The following LIPA variants were observed in gnomAD, a reference collection of about 807,000 sequenced individuals.
LIPA encodes lipase A, lysosomal acid type.
A neutral mutation model predicts 40.6 loss-of-function variants in LIPA; 26 were observed. That is an observed-to-expected ratio of 0.64 (90% CI 0.47 to 0.89). The LOEUF is 0.89. Among genes scored for constraint, LIPA ranks in the 40% least tolerant of loss-of-function variants. The probability of loss-of-function intolerance (pLI) is 0.00; values close to 1 mark genes in which losing one functional copy is unlikely to be tolerated. For synonymous variants in LIPA, 188 were observed against 168.4 expected (o/e 1.12, Z -0.90); for missense variants, 455 against 479.6 (o/e 0.95, Z 0.48).
chr10:89,263,902 C>A (rs114872983), intron 1 of LIPA, among the ~76,000 whole-genome samples: 249 of 152,362 alleles, frequency 1.6e-3, no homozygotes, highest in African/African-American at 5.7e-3. Flanking sequence ...CAGCTGCAGG[C>A]ACCAGTACAG....
chr10:89,299,129 T>C (rs931783448), intron 1 of LIPA, among the ~76,000 whole-genome samples: 2 of 151,072 alleles, frequency 1.3e-5, no homozygotes, highest in African/African-American at 4.9e-5. Context: ...AATGAGAAAT[T>C]TGCCAAAGAA....
chr10:89,370,923 C>T (rs1470833309), intron 2 of LIPA, among the ~76,000 whole-genome samples: 3 of 152,186 alleles, frequency 2.0e-5, no homozygotes, highest in Non-Finnish European at 4.4e-5. Context: ...GAGGCTGAGA[C>T]AGAAGAATTG....
intron 1 of LIPA, among the ~76,000 whole-genome samples, chr10:89,326,515 T>C (rs1038912565): frequency 3.3e-5 from 5 of 152,186 alleles, no homozygotes; most frequent in Admixed American, 2.0e-4. Flanking sequence ...TAAGATCTAG[T>C]GTTTGTTAGA....
At chr10:89,283,094 C>T (rs1215639986) in intron 1 of LIPA, among the ~76,000 whole-genome samples, 1 of 152,194 alleles carries the variant, frequency 6.6e-6, no homozygotes, top group African/African-American at 2.4e-5. Flanking sequence ...TAAGTTCACC[C>T]TGACAGTTTT....
intron 2 of LIPA, among the ~76,000 whole-genome samples, chr10:89,376,905 G>T (rs1844126047): frequency 6.6e-6 from 1 of 152,294 alleles, no homozygotes; most frequent in South Asian, 2.1e-4. Flanking sequence ...AGAAGAAATA[G>T]CACAGCGAGG....
At chr10:89,246,294 G>C (rs1366516163) in intron 2 of LIPA, among the ~76,000 whole-genome samples, 1 of 152,048 alleles carries the variant, frequency 6.6e-6, no homozygotes, top group Non-Finnish European at 1.5e-5. Flanking sequence ...AACAAAATAG[G>C]GAATTATGGT....
At chr10:89,309,310 A>G (rs887153743) in intron 1 of LIPA, 1 of 152,220 alleles carries the variant, frequency 6.6e-6, no homozygotes, top group African/African-American at 2.4e-5. Flanking sequence ...AATGCATGTT[A>G]AAGAGTCTTC....
At chr10:89,285,468 C>G (rs973624941) in intron 1 of LIPA, among the ~76,000 whole-genome samples, 2 of 152,184 alleles carry the variant, frequency 1.3e-5, no homozygotes, top group African/African-American at 4.8e-5. Flanking sequence ...GACAGTCTTC[C>G]CTTGGTGTTT....
intron 1 of LIPA, chr10:89,302,277 T>G (rs1843449907): frequency 1.2e-6 from 1 of 824,902 alleles, no homozygotes; most frequent in South Asian, 1.5e-5. Context: ...GTTGTAAATC[T>G]GTCTTACCAA....
At chr10:89,255,818 G>T (rs1207593323), upstream of LIPA, among the ~76,000 whole-genome samples, 2 of 152,184 alleles carry the variant, frequency 1.3e-5, no homozygotes, top group South Asian at 4.1e-4. Context: ...GTCAACTCAG[G>T]CCATGTCAGG....
intron 2 of LIPA, among the ~76,000 whole-genome samples, chr10:89,355,825 C>T (rs1017539961): frequency 6.6e-6 from 1 of 152,122 alleles, no homozygotes; most frequent in African/African-American, 2.4e-5. Flanking sequence ...AAAGACACTC[C>T]CATCAGCGCC....
chr10:89,248,448 ATTTATTTATT>A (rs1256416543), intron 1 of LIPA, among the ~76,000 whole-genome samples: 5 of 68,250 alleles, frequency 7.3e-5, no homozygotes, highest in African/African-American at 9.8e-5. Flanking sequence ...TTTTATATTT[ATTTATTTATT>A]TATTTATTTA....
chr10:89,259,342 A>G (rs1418185226), intron 1 of LIPA, among the ~76,000 whole-genome samples: 1 of 152,252 alleles, frequency 6.6e-6, no homozygotes, highest in Non-Finnish European at 1.5e-5. Flanking sequence ...GTTCAACACC[A>G]TTAATCATTA....
chr10:89,340,187 G>A (rs1040519835), intron 1 of LIPA: 22 of 1,501,246 alleles, frequency 1.5e-5, no homozygotes, highest in South Asian at 2.8e-5. Flanking sequence ...CGGGTAGGAC[G>A]ATAGGAAGAC....
At chr10:89,326,101 G>C (rs1184991560) in intron 1 of LIPA, among the ~76,000 whole-genome samples, 5 of 152,136 alleles carry the variant, frequency 3.3e-5, no homozygotes, top group Non-Finnish European at 7.4e-5. Flanking sequence ...ACATCAAAAA[G>C]AAAGGAAATC....
At chr10:89,275,174 C>T (rs961852639) in intron 1 of LIPA, among the ~76,000 whole-genome samples, 6 of 152,158 alleles carry the variant, frequency 3.9e-5, no homozygotes, top group Non-Finnish European at 8.8e-5. Flanking sequence ...AAAGAAGCAA[C>T]TATTTAGCCT....
At position 89,384,359 on chromosome 10, in the gene LIPA, C is replaced by T. The variant is rs375844271; in HGVS notation, c.61+28432G>A. ...ATGGCCTATGTTGACCTGGCTGAAA[C>T]GTATGCAGAAATAGGCCACCACAGA... On this transcript the variant is annotated intron_variant, in intron 2 of 8. Coordinates refer to the LIPA transcript ENST00000371837. 172 of 1,613,956 alleles carry T rather than the reference C, an allele frequency of 1.1e-4. 1 individual carries two copies. Among genetic ancestry groups the T allele is most frequent in the South Asian group, 1.0e-3 (95 of 91,092 alleles).
intron 3 of LIPA, among the ~76,000 whole-genome samples, chr10:89,240,788 C>T (rs1842956018): frequency 6.6e-6 from 1 of 152,084 alleles, no homozygotes; most frequent in South Asian, 2.1e-4. Flanking sequence ...CCTAGGAGCC[C>T]AGGAGTAGGA....
intron 2 of LIPA, among the ~76,000 whole-genome samples, chr10:89,399,565 G>T (rs1451249072): frequency 2.0e-5 from 3 of 151,420 alleles, no homozygotes; most frequent in Non-Finnish European, 4.4e-5. Context: ...ATAAAGTAAG[G>T]GTCCAACTTT....
Sources: gnomAD v4.1 joint callset for allele counts (sites outside exome capture counted in the v4.1 genomes callset) on GRCh38, gnomAD v4.1.1 for gene constraint, MANE v1.5 for transcripts, NCBI Gene and HGNC (gene_info 2026-07-23, HGNC 2026-07-21) for gene names.